Variants in TMC2 observed in about 807,000 individuals in gnomAD.
TMC2 encodes transmembrane channel like 2.
In TMC2, 102 loss-of-function variants were observed where a neutral mutation model predicts 105.9. That is an observed-to-expected ratio of 0.96 (90% CI 0.82 to 1.14). The LOEUF (loss-of-function observed/expected upper bound fraction) is 1.14, where lower values mean the gene tolerates loss of function less well. Ranked by LOEUF, TMC2 falls within the 50% of genes most tolerant of loss-of-function variation. TMC2 has a pLI of 0.00. For synonymous variants in TMC2, 402 were observed against 422.8 expected (o/e 0.95, Z 0.60); for missense variants, 1,093 against 1,134.3 (o/e 0.96, Z 0.52).
In TMC2 at chr20:2,613,096, G is replaced by A. The variant is rs559587921; in HGVS notation, c.1744-98G>A. 255 of 1,482,054 alleles carry A rather than the reference G, an allele frequency of 1.7e-4. 3 individuals carry two copies. The South Asian group carries it at 2.9e-3, about 17-fold the overall frequency. 91.8% of individuals were successfully genotyped at this position (1,482,054 alleles called of 1,614,324 possible). ...GGGTCACAGAGACAAAGTCAGGTGG[G>A]TGGGGGAGAGTTTATTAGACTCTCA... On this transcript the variant is annotated intron_variant, in intron 13 of 19. Transcript: ENST00000358864.
rs201312128 is a variant in TMC2, at chr20:2,617,177, T to C, written c.2046T>C (p.His682=). 2.2e-5 allele frequency: 36 copies of C among 1,614,218 alleles called. No individual in the cohort carries two copies. In the East Asian group the frequency reaches 6.2e-4, roughly 28 times the overall value. The change falls in exon 16 of 20, where the codon CAT becomes CAC. Residue 682 remains histidine (H), a synonymous_variant. Coordinates refer to ENST00000358864, the MANE Select transcript of TMC2 (RefSeq NM_080751.3). ...CWAVMSSNVP[H]ERVFKASRSN... is the part of the protein sequence containing the mutation. ...CGGTGATGAGCAGCAACGTACCCCA[T>C]GAACGCGTGTTCAAAGCCTCCCGAT... is the stretch of plus-strand genomic sequence containing the variant.
intron 3 of TMC2, among the ~76,000 whole-genome samples, chr20:2,559,142 C>G (rs746420790): frequency 6.6e-6 from 1 of 152,142 alleles, no homozygotes; most frequent in African/African-American, 2.4e-5. Context: ...TGACTCACCC[C>G]GGCTCTCGAA....
intron 16 of TMC2, chr20:2,618,456 A>G (rs2086500937): frequency 6.6e-6 from 1 of 152,200 alleles, no homozygotes; most frequent in Non-Finnish European, 1.5e-5. Context: ...TTACTTTACC[A>G]TAGGATAAGT....
Position 2,601,121 on chromosome 20 carries a change from C to T in TMC2, c.1225-992C>T, listed in dbSNP as rs575890209. On this transcript the variant is annotated intron_variant, in intron 10 of 19. Transcript: ENST00000358864. ...TTACACCAAAAGTATAAAATATTGC[C>T]GAAAGAAATTAAGAAACCCTAATGG... 3.1e-4 allele frequency among the ~76,000 whole-genome samples: 47 copies of T among 151,914 alleles called. 1 individual carries two copies. The highest frequency in any genetic ancestry group is 1.1e-3 in the African/African-American group (45 of 41,430).
intron 7 of TMC2, among the ~76,000 whole-genome samples, chr20:2,589,060 A>T (rs964632956): frequency 1.3e-5 from 2 of 151,994 alleles, no homozygotes; most frequent in African/African-American, 4.8e-5. Flanking sequence ...CTTCCTTTGA[A>T]TCTGTTTTTA....
At chr20:2,627,201 G>A (rs779992165) in intron 17 of TMC2, among the ~76,000 whole-genome samples, 5 of 152,240 alleles carry the variant, frequency 3.3e-5, no homozygotes, top group African/African-American at 4.8e-5. Context: ...AGTTGATCAC[G>A]ACCCTCATTC....
At chr20:2,542,494 T>C (rs2052925828) in intron 2 of TMC2, among the ~76,000 whole-genome samples, 1 of 152,152 alleles carries the variant, frequency 6.6e-6, no homozygotes, top group African/African-American at 2.4e-5. Flanking sequence ...CTGCTTTTAG[T>C]CCAAAAGGGC....
chr20:2,640,037 C>T (rs1258136097), intron 19 of TMC2, among the ~76,000 whole-genome samples: 1 of 152,200 alleles, frequency 6.6e-6, no homozygotes, highest in Non-Finnish European at 1.5e-5. Flanking sequence ...GGCTGGAGTG[C>T]AGTGGCACGA....
Position 2,558,840 on chromosome 20 carries a change from T to A in TMC2, c.401+66T>A. 6.9e-7 allele frequency: 1 copy of A among 1,441,108 alleles called. No individual in the cohort carries two copies. Among genetic ancestry groups the A allele is most frequent in the Non-Finnish European group, 9.2e-7 (1 of 1,085,338 alleles). 89.3% of individuals were successfully genotyped at this position (1,441,108 alleles called of 1,614,324 possible). ...TCCCGCTCCTTCGCGGCCCTTCCCCTTCCCCCGTGAGGGACTGATGCCCCC... is the reference window on the plus strand; with the variant it reads ...TCCCGCTCCTTCGCGGCCCTTCCCCATCCCCCGTGAGGGACTGATGCCCCC... On this transcript the variant is annotated intron_variant, in intron 3 of 19. Coordinates refer to ENST00000358864, the MANE Select transcript of TMC2 (RefSeq NM_080751.3). The surrounding 1 kb of genome is among the most constrained non-coding windows in gnomAD (Gnocchi z 4.6).
Position 2,600,234 on chromosome 20 carries a change from T to A in TMC2, c.1225-1879T>A, listed in dbSNP as rs541968104. 2.0e-5 allele frequency among the ~76,000 whole-genome samples: 3 copies of A among 152,332 alleles called. No homozygotes were observed. The East Asian group carries it at 5.8e-4, about 29-fold the overall frequency. On this transcript the variant is annotated intron_variant, in intron 10 of 19. Coordinates refer to ENST00000358864, the MANE Select transcript of TMC2 (RefSeq NM_080751.3). ...TTAAAAGAGACATAATATACTTGTA[T>A]AACAGAATAGATGTGAAAATTCTGT...
At chr20:2,621,061 G>C (rs1336483620) in intron 16 of TMC2, among the ~76,000 whole-genome samples, 1 of 152,116 alleles carries the variant, frequency 6.6e-6, no homozygotes, top group Non-Finnish European at 1.5e-5. Flanking sequence ...AGTCACAAGT[G>C]TTCTTATAAG....
chr20:2,576,922 T>G (rs1480374618), intron 5 of TMC2, among the ~76,000 whole-genome samples: 3 of 148,828 alleles, frequency 2.0e-5, no homozygotes, highest in Admixed American at 6.7e-5. Flanking sequence ...TGTTTTTTTT[T>G]TTTTGAGATG....
rs2086486372 is a variant in TMC2 at position 2,616,899 on chromosome 20, T to C, written c.1941-173T>C. Among the ~76,000 whole-genome samples the C allele has an allele frequency of 6.6e-6, 1 of 152,210 alleles. No homozygotes were observed. Among genetic ancestry groups the C allele is most frequent in the African/African-American group, 2.4e-5 (1 of 41,458 alleles). On this transcript the variant is annotated intron_variant, in intron 15 of 19. Transcript: ENST00000358864. The surrounding 1 kb of genome is among the most constrained non-coding windows in gnomAD (Gnocchi z 4.8). Reference sequence around the variant, plus strand: ...CCTCCCTCTCCTGAGGACTGCATGGTTCTGGCTTGATGATCGATATTCTGG... The same window carrying C: ...CCTCCCTCTCCTGAGGACTGCATGGCTCTGGCTTGATGATCGATATTCTGG...
intron 19 of TMC2, 57 bp downstream of exon 19, chr20:2,637,648 A>C: frequency 8.2e-7 from 1 of 1,214,990 alleles, no homozygotes; most frequent in Non-Finnish European, 1.2e-6. Context: ...AGGTGTAAAG[A>C]GCCTATGAAA....
At chr20:2,604,655 G>T (rs4813559) in intron 11 of TMC2, among the ~76,000 whole-genome samples, 1 of 152,026 alleles carries the variant, frequency 6.6e-6, no homozygotes, top group Non-Finnish European at 1.5e-5. Flanking sequence ...GGCTGCCAGG[G>T]GAACCAGCCA....
chr20:2,538,535 G>A (rs906581044), intron 2 of TMC2, among the ~76,000 whole-genome samples: 12 of 152,194 alleles, frequency 7.9e-5, no homozygotes, highest in African/African-American at 2.6e-4. Flanking sequence ...CACTCCCCTC[G>A]TAGTCATCCA....
intron 16 of TMC2, among the ~76,000 whole-genome samples, chr20:2,622,932 A>G (rs1453989773): frequency 1.3e-5 from 2 of 152,094 alleles, no homozygotes; most frequent in Admixed American, 6.5e-5. Flanking sequence ...ATATTATACT[A>G]TAGTATTATT....
rs2086340726 is a variant in TMC2 at position 2,600,225 on chromosome 20, A to G, written c.1225-1888A>G. ...GTAAGTTTATTAAAAGAGACATAAT[A>G]TACTTGTATAACAGAATAGATGTGA... is the stretch of plus-strand genomic sequence containing the variant. On this transcript the variant is annotated intron_variant, in intron 10 of 19. Transcript: ENST00000358864. Among the ~76,000 whole-genome samples the G allele has an allele frequency of 2.0e-5, 3 of 152,234 alleles. No homozygotes were observed. In the South Asian group the frequency reaches 6.2e-4, roughly 31 times the overall value.
chr20:2,597,400 A>T, intron 10 of TMC2, 102 bp downstream of exon 10: 3 of 1,229,414 alleles, frequency 2.4e-6, no homozygotes, highest in Non-Finnish European at 3.4e-6. Flanking sequence ...GTCCTCAAAT[A>T]ATTTGTGGCA....
Sources: gnomAD v4.1 joint callset for allele counts (sites outside exome capture counted in the v4.1 genomes callset) on GRCh38, gnomAD v4.1.1 for gene constraint, Gnocchi (gnomAD v3.1) non-coding constraint, MANE v1.5 for transcripts, NCBI Gene and HGNC (gene_info 2026-07-23, HGNC 2026-07-21) for gene names.